PKN2: variants seen among roughly 807,000 people sequenced by gnomAD.
PKN2 encodes protein kinase N2, also known as serine/threonine-protein kinase N2.
A neutral mutation model predicts 119.1 loss-of-function variants in PKN2; 38 were observed. The ratio of observed to expected loss-of-function variants is 0.32; its 90% CI spans 0.25 to 0.42. The LOEUF (loss-of-function observed/expected upper bound fraction) is 0.42, where lower values mean the gene tolerates loss of function less well. PKN2 is among the 10% of genes least tolerant of loss of function. The probability of loss-of-function intolerance (pLI) is 1.00; values close to 1 mark genes in which losing one functional copy is unlikely to be tolerated. For synonymous variants in PKN2, 390 were observed against 384.9 expected (o/e 1.01, Z -0.15); for missense variants, 850 against 1,165.1 (o/e 0.73, Z 3.94).
chr1:88,819,267 A>G (rs1310268392), intron 16 of PKN2, among the ~76,000 whole-genome samples: 18 of 152,226 alleles, frequency 1.2e-4, no homozygotes, highest in Admixed American at 1.1e-3. Flanking sequence ...GATTTTTGCA[A>G]TCTGTCCATC....
At chr1:88,712,322 G>A (rs305227) in intron 1 of PKN2, among the ~76,000 whole-genome samples, 108,367 of 151,948 alleles carry the variant, frequency 0.71, 39,655 homozygotes, top group African/African-American at 0.88. Flanking sequence ...AATTTTTTAG[G>A]AAAAAAACCT....
chr1:88,770,246 C>A, intron 3 of PKN2, 106 bp from the exon 4 acceptor site: 1 of 626,748 alleles, frequency 1.6e-6, no homozygotes, highest in South Asian at 2.1e-5. Context: ...ATTCTTTTAA[C>A]TCTGTTTTTC....
rs1269970771 is a variant in PKN2 at position 88,797,651 on chromosome 1, AAGAG to A, written c.1282-6734_1282-6731del. The stretch of plus-strand genomic sequence containing the variant: ...GACTCCGTCTCAAAAAAAAAAAAAA[AAGAG>A]AGAGAATGTCTTCCTTACCTACTCT... On this transcript the variant is annotated intron_variant, in intron 8 of 21. Coordinates refer to ENST00000370521, the MANE Select transcript of PKN2 (RefSeq NM_006256.4). Among the ~76,000 whole-genome samples the A allele has an allele frequency of 2.6e-3, 390 of 147,822 alleles. 1 individual carries two copies. Among genetic ancestry groups the A allele is most frequent in the Admixed American group, 4.2e-3 (63 of 14,940 alleles).
chr1:88,818,807 C>T (rs1672125471), intron 16 of PKN2, among the ~76,000 whole-genome samples: 1 of 152,118 alleles, frequency 6.6e-6, no homozygotes, highest in Non-Finnish European at 1.5e-5. Context: ...ACCAAAACAC[C>T]ATGGTACTGG....
Position 88,832,832 on chromosome 1 carries a change from C to T in PKN2, c.2651C>T (p.Ala884Val). ...VRYPRFLSTE[A>V]ISIMRRLLRR... Reference sequence around the variant, plus strand: ...TATCCAAGGTTCTTATCTACAGAAGCCATTTCTATAATGAGAAGGGTAAGA... The same window carrying T: ...TATCCAAGGTTCTTATCTACAGAAGTCATTTCTATAATGAGAAGGGTAAGA... Residue 884 changes from alanine (A) to valine (V), a missense_variant, in exon 20 of 22, where the codon GCC (alanine) becomes GTC (valine). Around this residue, in one of 9 missense-constraint regions of PKN2, gnomAD observed 95 missense variants for 150.2 expected, o/e 0.63. Coordinates refer to ENST00000370521, the MANE Select transcript of PKN2 (RefSeq NM_006256.4). 1 of 1,569,916 alleles carries T rather than the reference C, an allele frequency of 6.4e-7. No homozygotes were observed.
Position 88,731,594 on chromosome 1 carries a change from A to T in PKN2, c.49-9394A>T, listed in dbSNP as rs1367401992. ...CTTTCCCCAAGACTAAAATCAAGAA[A>T]GTTAGACTAAATGGTTTTTGAAATT... On this transcript the variant is annotated intron_variant, in intron 1 of 21. Transcript: ENST00000370521. 2.4e-4 allele frequency among the ~76,000 whole-genome samples: 37 copies of T among 152,260 alleles called. 1 individual carries two copies. The highest frequency in any genetic ancestry group is 1.9e-4 in the Non-Finnish European group (13 of 68,040).
At chr1:88,757,181 CCT>C (rs1318397015) in intron 2 of PKN2, among the ~76,000 whole-genome samples, 1 of 152,106 alleles carries the variant, frequency 6.6e-6, no homozygotes, top group Non-Finnish European at 1.5e-5. Flanking sequence ...TGTGGCTTTG[CCT>C]GTTTCCTGAT....
At chr1:88,815,457 A>G in intron 16 of PKN2, 2 of 347,528 alleles carry the variant, frequency 5.8e-6, no homozygotes, top group Non-Finnish European at 1.1e-5. Context: ...TTTTATTTCT[A>G]CATGAAATCA....
chr1:88,707,882 A>C (rs942226988), intron 1 of PKN2, among the ~76,000 whole-genome samples: 3 of 152,182 alleles, frequency 2.0e-5, no homozygotes, highest in African/African-American at 7.2e-5. Flanking sequence ...GATAATGGTG[A>C]AAGTAATCCA....
rs1465171775 is a variant in PKN2, at chr1:88,684,496, C to A, written c.-85C>A. ...TTTTTTTTTTCTTTCTCTCCCCTCT[C>A]CTCACCCCCACCCCGAGCCCCGTCC... is the stretch of plus-strand genomic sequence containing the variant. On this transcript the variant is annotated 5_prime_UTR_variant, in exon 1 of 22. Coordinates refer to ENST00000370521, the MANE Select transcript of PKN2 (RefSeq NM_006256.4). 6 of 1,071,758 alleles carry A rather than the reference C, an allele frequency of 5.6e-6. No homozygotes were observed. In the African/African-American group the frequency reaches 8.3e-5, roughly 15 times the overall value. The allele number at this position is 1,071,758 out of a possible 1,614,324, so 66.4% of individuals were successfully genotyped here.
chr1:88,739,112 T>C (rs1668471400), intron 1 of PKN2, among the ~76,000 whole-genome samples: 1 of 152,220 alleles, frequency 6.6e-6, no homozygotes, highest in Non-Finnish European at 1.5e-5. Flanking sequence ...CCGTGGAACC[T>C]GGTAAGTATA....
chr1:88,750,230 G>C (rs577997141), intron 2 of PKN2, among the ~76,000 whole-genome samples: 19 of 152,156 alleles, frequency 1.2e-4, no homozygotes, highest in Non-Finnish European at 2.5e-4. Flanking sequence ...AGGCTTTCCT[G>C]GGTCTGAGAA....
chr1:88,760,264 G>A lies in PKN2; in HGVS notation c.392G>A (p.Cys131Tyr). The A allele has an allele frequency of 6.3e-7, 1 of 1,579,258 alleles. No homozygotes were observed. The highest frequency in any genetic ancestry group is 8.7e-7 in the Non-Finnish European group (1 of 1,152,822). The change falls in exon 3 of 22, where the codon TGT becomes TAT. Residue 131 changes from cysteine (C) to tyrosine (Y), a missense_variant. Physicochemically the swap from Cys to Tyr is radical, Grantham distance 194 (BLOSUM62 -2). Coordinates refer to ENST00000370521, the MANE Select transcript of PKN2 (RefSeq NM_006256.4). The stretch of plus-strand genomic sequence containing the variant: ...GATACTCCAAATAATGACCCTCGTT[G>A]TTCTACTAGCAACAATAGATTGAAG... ...TPDTPNNDPR[C>Y]STSNNRLKAL...
At position 88,833,463 on chromosome 1, in the gene PKN2, C is replaced by T. The variant is rs775455606; in HGVS notation, c.*15C>T. On this transcript the variant is annotated 3_prime_UTR_variant, in exon 22 of 22. Coordinates refer to ENST00000370521, the MANE Select transcript of PKN2 (RefSeq NM_006256.4). ...ATTGGTGTTAAGTTGCTAGACACTG[C>T]GAAACCAAGCTGACTCACAAGAAGA... 6.9e-6 allele frequency: 11 copies of T among 1,601,784 alleles called. No individual in the cohort carries two copies. The highest frequency in any genetic ancestry group is 2.7e-5 in the African/African-American group (2 of 74,626).
In PKN2 at chr1:88,835,452, G is replaced by T. The variant is rs940449495; in HGVS notation, c.*2004G>T. ...ACTGACAGCATTTCGTAACTACACA[G>T]TGTACAGAATTTTTTTTTAATTGAA... On this transcript the variant is annotated 3_prime_UTR_variant, in exon 22 of 22. Transcript: ENST00000370521. 2 of 151,110 alleles carry T rather than the reference G, an allele frequency of 1.3e-5. No individual in the cohort carries two copies. Among genetic ancestry groups the T allele is most frequent in the African/African-American group, 5.0e-5 (2 of 40,302 alleles). The allele number at this position is 151,110 out of a possible 1,614,324, so 9.4% of individuals were successfully genotyped here. A position where few individuals can be genotyped will look rare whatever the true frequency, so the allele number is the denominator to read the frequency against.
At position 88,785,684 on chromosome 1, in the gene PKN2, A is replaced by T. The variant is rs148708556; in HGVS notation, c.1172-420A>T. Among the ~76,000 whole-genome samples, 213 of 152,348 alleles carry T rather than the reference A, an allele frequency of 1.4e-3. 1 individual carries two copies. The highest frequency in any genetic ancestry group is 5.0e-3 in the African/African-American group (206 of 41,578). ...ACAGTTCAGCCTACCGTAGAATACA[A>T]AAGTGAATTTGCCTGTGCTTTCATG... On this transcript the variant is annotated intron_variant, in intron 7 of 21. Coordinates refer to ENST00000370521, the MANE Select transcript of PKN2 (RefSeq NM_006256.4).
intron 2 of PKN2, among the ~76,000 whole-genome samples, chr1:88,749,667 T>C (rs1182834608): frequency 6.6e-6 from 1 of 152,238 alleles, no homozygotes; most frequent in Non-Finnish European, 1.5e-5. Context: ...AAAGTTGGAC[T>C]TTAGGAGAAG....
rs368655957 is a variant in PKN2, at chr1:88,813,560, G to T, written c.2106G>T (p.Leu702=). The change falls in exon 16 of 22, where the codon CTG becomes CTT. Residue 702 remains leucine (L), a synonymous_variant. Transcript: ENST00000370521. ...DIVARDEVDS[L]MCEKRIFETV... is the part of the protein sequence containing the mutation. The stretch of plus-strand genomic sequence containing the variant: ...TTTAAAATATTTTCTTTTACAGCCT[G>T]ATGTGTGAAAAAAGAATTTTTGAAA... 6.4e-7 allele frequency: 1 copy of T among 1,572,966 alleles called. No individual in the cohort carries two copies. The highest frequency in any genetic ancestry group is 8.6e-7 in the Non-Finnish European group (1 of 1,156,372).
Position 88,777,104 on chromosome 1 carries a change from T to A in PKN2, c.985+5225T>A, listed in dbSNP as rs1380560282. On this transcript the variant is annotated intron_variant, in intron 6 of 21. Coordinates refer to ENST00000370521, the MANE Select transcript of PKN2 (RefSeq NM_006256.4). ...CTGATTTTCTTCATTATTTTTTCTT[T>A]CTGCTCTTAAGACTAGACAAGTGCA... is the stretch of plus-strand genomic sequence containing the variant. Among the ~76,000 whole-genome samples, 3 of 152,174 alleles carry A rather than the reference T, an allele frequency of 2.0e-5. No homozygotes were observed. In the East Asian group the frequency reaches 5.8e-4, roughly 29 times the overall value.
Sources: gnomAD v4.1 joint callset for allele counts (sites outside exome capture counted in the v4.1 genomes callset) on GRCh38, gnomAD v4.1.1 for gene constraint, gnomAD v4.1.1 regional missense constraint, MANE v1.5 for transcripts, NCBI Gene and HGNC (gene_info 2026-07-23, HGNC 2026-07-21) for gene names.